Variants in GTF2A1L observed in about 807,000 individuals in gnomAD.
GTF2A1L encodes general transcription factor IIA subunit 1 like.
A neutral mutation model predicts 49.7 loss-of-function variants in GTF2A1L; 48 were observed. That is an observed-to-expected ratio of 0.97 (90% CI 0.77 to 1.23). The LOEUF (loss-of-function observed/expected upper bound fraction) is 1.23. Among genes scored for constraint, GTF2A1L ranks in the 50% most tolerant of loss-of-function variants. GTF2A1L has a pLI of 0.00. For synonymous variants in GTF2A1L, 246 were observed against 193.5 expected, an observed-to-expected ratio of 1.27 and a Z score of -2.25; for missense variants, 736 against 564.8, an observed-to-expected ratio of 1.30 and a Z score of -3.07.
rs147976724 is a variant in GTF2A1L at position 48,671,614 on chromosome 2, T to C, written c.1263T>C (p.Asp421=). ...VEEDPLNSGD[D]VSEQDVPDLF... ...AGGACCCTTTAAATTCTGGAGATGA[T>C]GTTAGTGAACAGGATGTGCCAGACC... The change falls in exon 8 of 9, where the codon GAT becomes GAC. Residue 421 remains aspartate (D), a synonymous_variant. Transcript: ENST00000403751. 165 of 1,613,570 alleles carry C rather than the reference T, an allele frequency of 1.0e-4. No individual in the cohort carries two copies. The African/African-American group carries it at 2.0e-3, about 20-fold the overall frequency.
In GTF2A1L at chr2:48,669,770, A is replaced by G. The variant is rs1322279673; in HGVS notation, c.1027A>G (p.Ile343Val). The change falls in exon 7 of 9, where the codon ATT (isoleucine) becomes GTT (valine). Residue 343 changes from isoleucine (I) to valine (V), a missense_variant. By Grantham distance (29) the Ile-to-Val change is conservative. Transcript: ENST00000403751. ...AAGCATTCGGGTTACTGATGATGAT[A>G]TTGGTGAAATAATTCAAGTAGATGG... The part of the protein sequence containing the change: ...DLSIRVTDDD[I>V]GEIIQVDGSG... 6 of 1,613,792 alleles carry G rather than the reference A, an allele frequency of 3.7e-6. No individual in the cohort carries two copies. The highest frequency in any genetic ancestry group is 2.7e-5 in the African/African-American group (2 of 74,906).
At position 48,621,310 on chromosome 2, in the gene GTF2A1L, T is replaced by A. The variant is rs1305817474; in HGVS notation, c.247+20T>A. 4 of 1,613,998 alleles carry A rather than the reference T, an allele frequency of 2.5e-6. No individual in the cohort carries two copies. The South Asian group carries it at 4.4e-5, about 18-fold the overall frequency. ...CAACAGGTTGGATACCATTAGTAAA[T>A]GAGTACTGTTAGTATCTTCAGAACA... On this transcript the variant is annotated intron_variant, in intron 3 of 8. Transcript: ENST00000403751.
intron 6 of GTF2A1L, among the ~76,000 whole-genome samples, chr2:48,649,399 T>C (rs1342227725): frequency 2.0e-5 from 3 of 152,200 alleles, no homozygotes; most frequent in Non-Finnish European, 4.4e-5. Flanking sequence ...TTTATCTAAC[T>C]AATTTATCAG....
At chr2:48,678,477 A>G (rs935471172) in intron 8 of GTF2A1L, among the ~76,000 whole-genome samples, 2 of 152,032 alleles carry the variant, frequency 1.3e-5, no homozygotes, top group African/African-American at 4.8e-5. Context: ...TTGTTCTTGG[A>G]TTTGACTATT....
At chr2:48,618,166 T>A (rs768294143) in intron 1 of GTF2A1L, 5 of 469,774 alleles carry the variant, frequency 1.1e-5, no homozygotes, top group Non-Finnish European at 1.9e-5. Flanking sequence ...TTGGGGTGTT[T>A]AGAGGTGGAA....
intron 6 of GTF2A1L, among the ~76,000 whole-genome samples, chr2:48,665,002 A>C (rs914293102): frequency 4.0e-5 from 6 of 151,782 alleles, no homozygotes; most frequent in Non-Finnish European, 8.8e-5. Context: ...GCTCACTGCA[A>C]CCAGCACCTC....
At chr2:48,652,625 A>G (rs1366249132) in intron 6 of GTF2A1L, among the ~76,000 whole-genome samples, 1 of 151,494 alleles carries the variant, frequency 6.6e-6, no homozygotes, top group Non-Finnish European at 1.5e-5. Flanking sequence ...AAAAACAACA[A>G]ACAAACAGCC....
At chr2:48,636,869 A>G (rs550046647) in intron 3 of GTF2A1L, among the ~76,000 whole-genome samples, 55 of 152,254 alleles carry the variant, frequency 3.6e-4, no homozygotes, top group African/African-American at 1.3e-3. Context: ...TTTCTAGGGG[A>G]CTTCAAGTCA....
intron 6 of GTF2A1L, among the ~76,000 whole-genome samples, chr2:48,659,941 A>G (rs1211403445): frequency 4.6e-5 from 7 of 152,064 alleles, no homozygotes; most frequent in Admixed American, 2.0e-4. Flanking sequence ...AGATAATTTT[A>G]GTTTTTCCTA....
chr2:48,631,401 T>C (rs1166853566), intron 3 of GTF2A1L, among the ~76,000 whole-genome samples: 1 of 152,194 alleles, frequency 6.6e-6, no homozygotes, highest in Non-Finnish European at 1.5e-5. Flanking sequence ...GATTTTCTAG[T>C]TTGTGTATGT....
At chr2:48,637,554 A>G (rs1340513500) in intron 3 of GTF2A1L, among the ~76,000 whole-genome samples, 1 of 152,066 alleles carries the variant, frequency 6.6e-6, no homozygotes, top group African/African-American at 2.4e-5. Flanking sequence ...GTAACATCAC[A>G]ATTGAAAGAA....
chr2:48,644,955 A>G, intron 4 of GTF2A1L, 78 bp from the exon 5 acceptor site: 1 of 1,265,206 alleles, frequency 7.9e-7, no homozygotes, highest in Non-Finnish European at 1.1e-6. Context: ...AGATTTTTTG[A>G]CTCCCTGTGA....
chr2:48,629,692 T>C lies in GTF2A1L; in HGVS notation c.247+8402T>C, dbSNP rs1298129174. Among the ~76,000 whole-genome samples the C allele has an allele frequency of 1.4e-5, 2 of 144,486 alleles. 1 individual carries two copies. Among genetic ancestry groups the C allele is most frequent in the Non-Finnish European group, 3.1e-5 (2 of 64,018 alleles). 94.8% of individuals were successfully genotyped at this position (144,486 alleles called of 152,430 possible). On this transcript the variant is annotated intron_variant, in intron 3 of 8. Coordinates refer to ENST00000403751, the MANE Select transcript of GTF2A1L (RefSeq NM_006872.5). ...GGCTAAGGGAAAAGGCTTCTGAAGT[T>C]TGCTTCAAGGTTAGGTCTTGAATCC...
chr2:48,649,843 C>T (rs1677748319), intron 6 of GTF2A1L, among the ~76,000 whole-genome samples: 1 of 152,194 alleles, frequency 6.6e-6, no homozygotes, highest in Non-Finnish European at 1.5e-5. Context: ...CCTATTTACT[C>T]TTCCTTCCTC....
In GTF2A1L at chr2:48,620,864, G is replaced by T; in HGVS notation, c.35G>T (p.Arg12Ile). The change falls in exon 2 of 9, where the codon AGA becomes ATA. Residue 12 changes from arginine (R) to isoleucine (I), a missense_variant. Coordinates refer to ENST00000403751, the MANE Select transcript of GTF2A1L (RefSeq NM_006872.5). ...GCTTTTATGTAGCCTAAACTCTACA[G>T]ATCTGTAATTGAAGATGTAATTGAA... ...ACLNPVPKLY[R>I]SVIEDVIEGV... 6.3e-7 allele frequency: 1 copy of T among 1,582,750 alleles called. No individual in the cohort carries two copies. The highest frequency in any genetic ancestry group is 1.2e-5 in the South Asian group (1 of 84,394).
chr2:48,655,236 A>G (rs763233691), intron 6 of GTF2A1L, among the ~76,000 whole-genome samples: 29 of 152,032 alleles, frequency 1.9e-4, no homozygotes, highest in Non-Finnish European at 3.2e-4. Context: ...TAAATATTTC[A>G]TGGTTTTTGG....
At chr2:48,626,137 C>G (rs1254472182) in intron 3 of GTF2A1L, among the ~76,000 whole-genome samples, 2 of 143,936 alleles carry the variant, frequency 1.4e-5, no homozygotes, top group African/African-American at 2.5e-5. Context: ...TATCCTTTCC[C>G]CATTGTGTCC....
chr2:48,644,421 C>T (rs1677378770), intron 4 of GTF2A1L, among the ~76,000 whole-genome samples: 1 of 152,158 alleles, frequency 6.6e-6, no homozygotes, highest in Non-Finnish European at 1.5e-5. Context: ...GGATGCAGCA[C>T]AGTTTAATTA....
At chr2:48,666,139 T>C (rs1678826092) in intron 6 of GTF2A1L, among the ~76,000 whole-genome samples, 1 of 152,230 alleles carries the variant, frequency 6.6e-6, no homozygotes, top group East Asian at 1.9e-4. Flanking sequence ...TTGCATGGTA[T>C]GTGTTTTTTC....
Sources: allele counts gnomAD v4.1 joint callset (sites outside exome capture counted in the v4.1 genomes callset), GRCh38; gene constraint gnomAD v4.1.1; transcripts MANE v1.5; gene names NCBI Gene and HGNC (gene_info 2026-07-23, HGNC 2026-07-21).